Variants in MERTK observed in about 807,000 individuals in gnomAD.
MERTK encodes the protein MER proto-oncogene, tyrosine kinase.
MERTK carries 69 observed loss-of-function variants against 99.3 expected under a neutral mutation model. The observed-to-expected ratio is 0.70, with a 90% confidence interval of 0.57 to 0.85. The LOEUF is 0.85. Ranked by LOEUF, MERTK falls within the 40% of genes least tolerant of loss-of-function variation. The pLI is 0.00. For synonymous variants in MERTK, 426 were observed against 467.6 expected, an observed-to-expected ratio of 0.91 and a Z score of 1.15; for missense variants, 1,125 against 1,249.4, an observed-to-expected ratio of 0.90 and a Z score of 1.50.
chr2:111,955,125 C>A (rs1685124247), intron 4 of MERTK, among the ~76,000 whole-genome samples: 1 of 152,026 alleles, frequency 6.6e-6, no homozygotes, highest in Non-Finnish European at 1.5e-5. Context: ...TTTGCCGACC[C>A]CTTCTACTGA....
chr2:112,018,025 G>A (rs1677253517), intron 15 of MERTK, among the ~76,000 whole-genome samples: 1 of 152,110 alleles, frequency 6.6e-6, no homozygotes, highest in Non-Finnish European at 1.5e-5. Flanking sequence ...AGAAATTAAA[G>A]GGCTACAATT....
At position 111,982,955 on chromosome 2, in the gene MERTK, T is replaced by C. The variant is rs753147230; in HGVS notation, c.1258T>C (p.Tyr420His). 9 of 1,614,216 alleles carry C rather than the reference T, an allele frequency of 5.6e-6. No homozygotes were observed. Among genetic ancestry groups the C allele is most frequent in the Non-Finnish European group, 7.6e-6 (9 of 1,180,038 alleles). The change falls in exon 8 of 19, where the codon TAC (tyrosine) becomes CAC (histidine). Residue 420 changes from tyrosine (Y) to histidine (H), a missense_variant. Transcript: ENST00000295408. Reference sequence around the variant, plus strand: ...GCAGCAGGATGGAGAACTGGTGGGCTACCGGATATCCCACGTGTGGCAGAG... The same window carrying C: ...GCAGCAGGATGGAGAACTGGTGGGCCACCGGATATCCCACGTGTGGCAGAG... ...TKQQDGELVG[Y>H]RISHVWQSAG...
intron 1 of MERTK, among the ~76,000 whole-genome samples, chr2:111,904,154 C>T (rs1204726740): frequency 6.6e-6 from 1 of 152,170 alleles, no homozygotes; most frequent in Non-Finnish European, 1.5e-5. Flanking sequence ...CCATTCCCCT[C>T]CTACTCCTGC....
At chr2:111,904,852 C>A (rs1301054343) in intron 1 of MERTK, among the ~76,000 whole-genome samples, 1 of 152,190 alleles carries the variant, frequency 6.6e-6, no homozygotes, top group Non-Finnish European at 1.5e-5. Context: ...CTCCTGGCTT[C>A]TGGTACTTCC....
chr2:111,983,427 G>A (rs979528302), intron 8 of MERTK, among the ~76,000 whole-genome samples: 5 of 152,160 alleles, frequency 3.3e-5, no homozygotes, highest in Non-Finnish European at 7.4e-5. Flanking sequence ...AGAAGATAAG[G>A]GAATAACCTC....
intron 8 of MERTK, among the ~76,000 whole-genome samples, chr2:111,992,580 G>A (rs1202096576): frequency 2.6e-5 from 4 of 151,962 alleles, no homozygotes; most frequent in African/African-American, 4.8e-5. Context: ...GTGAAACCCC[G>A]TCTCTACTGA....
chr2:111,901,615 G>C (rs938478986), intron 1 of MERTK, among the ~76,000 whole-genome samples: 13 of 148,840 alleles, frequency 8.7e-5, no homozygotes, highest in African/African-American at 3.2e-4. Context: ...GAGTGCAGTG[G>C]CACCATCACG....
chr2:111,938,257 G>GTTGT (rs1180135968), intron 2 of MERTK, among the ~76,000 whole-genome samples: 2 of 106,606 alleles, frequency 1.9e-5, no homozygotes, highest in Admixed American at 9.5e-5. Flanking sequence ...TTGTTTGTTT[G>GTTGT]TTGTTTGTTT....
chr2:111,912,391 G>C (rs1684267491), intron 1 of MERTK, among the ~76,000 whole-genome samples: 1 of 152,078 alleles, frequency 6.6e-6, no homozygotes, highest in South Asian at 2.1e-4. Flanking sequence ...CTTTTCTATT[G>C]TGAGGTTTCC....
At chr2:111,919,393 G>A (rs1195547532) in intron 1 of MERTK, among the ~76,000 whole-genome samples, 3 of 152,048 alleles carry the variant, frequency 2.0e-5, no homozygotes, top group African/African-American at 7.2e-5. Flanking sequence ...TGCACCCTGA[G>A]CCAATAAATT....
At chr2:111,940,849 T>C in intron 2 of MERTK, 2 of 872,032 alleles carry the variant, frequency 2.3e-6, no homozygotes, top group Admixed American at 3.5e-5. Context: ...ATCTCTGAGA[T>C]ACTTTTGAAA....
intron 15 of MERTK, among the ~76,000 whole-genome samples, chr2:112,012,473 C>T (rs1019516595): frequency 4.6e-5 from 7 of 152,098 alleles, no homozygotes; most frequent in African/African-American, 7.2e-5. Flanking sequence ...TTCAGTTCCC[C>T]GGTGGAGGCT....
chr2:111,996,899 G>A (rs550639082), intron 9 of MERTK: 19 of 250,112 alleles, frequency 7.6e-5, no homozygotes, highest in African/African-American at 2.5e-4. Context: ...ACTCTCGATC[G>A]TTTTTTTACA....
At chr2:112,023,382 C>T (rs1463335543) in intron 18 of MERTK, among the ~76,000 whole-genome samples, 4 of 151,820 alleles carry the variant, frequency 2.6e-5, no homozygotes, top group Non-Finnish European at 5.9e-5. Context: ...CCACTGCACT[C>T]CAGCCTGGGC....
At chr2:111,942,573 C>T (rs570037747) in intron 2 of MERTK, among the ~76,000 whole-genome samples, 27 of 152,306 alleles carry the variant, frequency 1.8e-4, no homozygotes, top group African/African-American at 5.3e-4. Context: ...CTCCTGGTAA[C>T]CTCTAAGCAT....
At chr2:111,958,213 G>A (rs542907779) in intron 4 of MERTK, among the ~76,000 whole-genome samples, 204 of 152,240 alleles carry the variant, frequency 1.3e-3, no homozygotes, top group South Asian at 3.3e-3. Context: ...GGAGACTTAG[G>A]GAGTTGGATG....
At chr2:111,907,055 G>A (rs929772827) in intron 1 of MERTK, among the ~76,000 whole-genome samples, 2 of 152,130 alleles carry the variant, frequency 1.3e-5, no homozygotes, top group African/African-American at 2.4e-5. Flanking sequence ...CGTGACTCTC[G>A]GTGTGAACTT....
chr2:112,026,624 T>C (rs1677465864), intron 18 of MERTK, among the ~76,000 whole-genome samples: 1 of 152,168 alleles, frequency 6.6e-6, no homozygotes, highest in South Asian at 2.1e-4. Context: ...ACAAGGATTG[T>C]GAGACAGGGA....
At chr2:111,937,019 T>C (rs1451645540) in intron 2 of MERTK, among the ~76,000 whole-genome samples, 2 of 152,118 alleles carry the variant, frequency 1.3e-5, no homozygotes, top group East Asian at 3.9e-4. Flanking sequence ...GGTGGGAGTC[T>C]TGTGGTGAGG....
Sources: gnomAD v4.1 joint callset for allele counts (sites outside exome capture counted in the v4.1 genomes callset) on GRCh38, gnomAD v4.1.1 for gene constraint, MANE v1.5 for transcripts, NCBI Gene and HGNC (gene_info 2026-07-23, HGNC 2026-07-21) for gene names.